Variants in ARHGAP26 observed in about 807,000 individuals in gnomAD.
ARHGAP26 encodes Rho GTPase activating protein 26, also known as rho GTPase-activating protein 26.
In ARHGAP26, 38 loss-of-function variants were observed where a neutral mutation model predicts 104.8. The ratio of observed to expected loss-of-function variants is 0.36; its 90% confidence interval spans 0.28 to 0.48. ARHGAP26 has a LOEUF of 0.48. ARHGAP26 is among the 20% of genes least tolerant of loss of function. The pLI is 0.99. For synonymous variants in ARHGAP26, 341 were observed against 340.0 expected, an observed-to-expected ratio of 1.00 and a Z score of -0.03; for missense variants, 704 against 947.9, an observed-to-expected ratio of 0.74 and a Z score of 3.38.
Position 142,886,111 on chromosome 5 carries a change from G to A in ARHGAP26, c.486+712G>A, listed in dbSNP as rs1251181436. Reference sequence around the variant, plus strand: ...GGGAGTTTATGCTTCTTGGAGATAGGGAGTTTCCTAGTGGAACCTCAAATT... The same window carrying A: ...GGGAGTTTATGCTTCTTGGAGATAGAGAGTTTCCTAGTGGAACCTCAAATT... On this transcript the variant is annotated intron_variant, in intron 5 of 22. Transcript: ENST00000645722. 3.3e-5 allele frequency among the ~76,000 whole-genome samples: 5 copies of A among 152,234 alleles called. No homozygotes were observed. The East Asian group carries it at 9.6e-4, about 29-fold the overall frequency.
At chr5:143,020,518 T>A (rs1041305954) in intron 12 of ARHGAP26, among the ~76,000 whole-genome samples, 1 of 151,888 alleles carries the variant, frequency 6.6e-6, no homozygotes, top group Admixed American at 6.6e-5. Flanking sequence ...AAATGGAAAT[T>A]TCCTCCCTTC....
At chr5:143,137,709 A>G (rs939600476) in intron 19 of ARHGAP26, among the ~76,000 whole-genome samples, 4 of 152,144 alleles carry the variant, frequency 2.6e-5, no homozygotes, top group Non-Finnish European at 5.9e-5. Flanking sequence ...TTGGCATTCC[A>G]TTTGTCAGTC....
rs143750962 is a variant in ARHGAP26, at chr5:142,907,743, A to G, written c.872A>G (p.Tyr291Cys). The G allele has an allele frequency of 4.3e-6, 7 of 1,612,386 alleles. No homozygotes were observed. In the African/African-American group the frequency reaches 9.3e-5, roughly 22 times the overall value. ...GTSWVKHYCT[Y>C]QRDSKQITMV... The stretch of plus-strand genomic sequence containing the variant: ...TCTTGGGTGAAGCACTACTGTACAT[A>G]TCAACGGGATTCCAAACAAATCACC... The change falls in exon 9 of 23, where the codon TAT becomes TGT. Residue 291 changes from tyrosine (Y) to cysteine (C), a missense_variant. Around this residue, in one of 6 missense-constraint regions of ARHGAP26, gnomAD observed 287 missense variants for 438.8 expected, o/e 0.65. Transcript: ENST00000645722.
Position 143,213,977 on chromosome 5 carries a change from A to C in ARHGAP26, c.2100-20A>C, listed in dbSNP as rs765383273. On this transcript the variant is annotated intron_variant, in intron 21 of 22. Coordinates refer to ENST00000645722, the MANE Select transcript of ARHGAP26 (RefSeq NM_001135608.3). ...AAGGGTTTTTTCAAAAATGTTAAAT[A>C]AACTCCTGTTTTCACACAGCACACC... 3 of 1,520,298 alleles carry C rather than the reference A, an allele frequency of 2.0e-6. No individual in the cohort carries two copies. The highest frequency in any genetic ancestry group is 2.7e-6 in the Non-Finnish European group (3 of 1,105,780). 94.2% of individuals were successfully genotyped at this position (1,520,298 alleles called of 1,614,324 possible). A position where few individuals can be genotyped will look rare whatever the true frequency, so the allele number is the denominator to read the frequency against.
In ARHGAP26 at chr5:142,869,809, G is replaced by A. The variant is rs904266331; in HGVS notation, c.155-3591G>A. 2.6e-5 allele frequency among the ~76,000 whole-genome samples: 4 copies of A among 152,136 alleles called. No homozygotes were observed. In the East Asian group the frequency reaches 7.7e-4, roughly 29 times the overall value. ...ATTTGGGTTAAATTCTCTTAAATCC[G>A]GTGCAGATTAATATCTGCTGGCATC... On this transcript the variant is annotated intron_variant, in intron 1 of 22. Coordinates refer to ENST00000645722, the MANE Select transcript of ARHGAP26 (RefSeq NM_001135608.3).
Position 142,894,238 on chromosome 5 carries a change from G to T in ARHGAP26, c.487G>T (p.Ala163Ser). 1 of 1,613,366 alleles carries T rather than the reference G, an allele frequency of 6.2e-7. No individual in the cohort carries two copies. Among genetic ancestry groups the T allele is most frequent in the South Asian group, 1.1e-5 (1 of 91,018 alleles). The change falls in exon 6 of 23, where the codon GCA becomes TCA. Residue 163 changes from alanine to serine, a missense_variant and splice_region_variant. This residue lies in a region of ARHGAP26 where 106 missense variants were observed against 120.5 expected (regional missense o/e 0.88). Coordinates refer to ENST00000645722, the MANE Select transcript of ARHGAP26 (RefSeq NM_001135608.3). ...CTCTTAAATTCCATCTTGTTTGTAG[G>T]CAGACAGCCAAGTGGACCTGGTCCG... The part of the protein sequence containing the change: ...SKKKESQLQE[A>S]DSQVDLVRQH...
At chr5:143,152,060 G>T (rs150649655) in intron 20 of ARHGAP26, among the ~76,000 whole-genome samples, 2 of 152,316 alleles carry the variant, frequency 1.3e-5, no homozygotes, top group Admixed American at 6.5e-5. Flanking sequence ...ATCAGTGATT[G>T]CCAGGGATTC....
intron 10 of ARHGAP26, among the ~76,000 whole-genome samples, chr5:142,925,551 C>T (rs1763790477): frequency 6.6e-6 from 1 of 152,210 alleles, no homozygotes; most frequent in Non-Finnish European, 1.5e-5. Context: ...TGAACCCGAA[C>T]CATTGCATTG....
At chr5:142,951,363 C>A (rs1300690155) in intron 11 of ARHGAP26, among the ~76,000 whole-genome samples, 1 of 152,092 alleles carries the variant, frequency 6.6e-6, no homozygotes, top group Non-Finnish European at 1.5e-5. Context: ...CCTGGCCAGA[C>A]CTTTTCTTAA....
At chr5:143,117,407 C>T (rs964730933) in intron 17 of ARHGAP26, among the ~76,000 whole-genome samples, 1 of 152,086 alleles carries the variant, frequency 6.6e-6, no homozygotes, top group Non-Finnish European at 1.5e-5. Flanking sequence ...GATCTCAAGC[C>T]ATTAATAATT....
intron 1 of ARHGAP26, among the ~76,000 whole-genome samples, chr5:142,776,042 G>C (rs1443032948): frequency 6.6e-6 from 1 of 152,118 alleles, no homozygotes; most frequent in African/African-American, 2.4e-5. Flanking sequence ...ACTTGCTTCA[G>C]GTCAGCATGT....
chr5:142,782,727 A>C (rs1378724046), intron 1 of ARHGAP26, among the ~76,000 whole-genome samples: 1 of 152,206 alleles, frequency 6.6e-6, no homozygotes, highest in Non-Finnish European at 1.5e-5. Flanking sequence ...AAACAGCATA[A>C]GTGCAAGGGA....
At chr5:142,772,780 A>G (rs922663843) in intron 1 of ARHGAP26, 7 of 533,328 alleles carry the variant, frequency 1.3e-5, no homozygotes, top group South Asian at 7.0e-5. Flanking sequence ...ACTTGCCCGG[A>G]ATGGAACCTC....
chr5:142,970,442 T>C (rs1260604619), intron 11 of ARHGAP26, among the ~76,000 whole-genome samples: 1 of 152,262 alleles, frequency 6.6e-6, no homozygotes, highest in Admixed American at 6.5e-5. Flanking sequence ...GGCTTCATCC[T>C]TAGGTTACAT....
chr5:143,124,747 A>G (rs57706003), intron 18 of ARHGAP26, among the ~76,000 whole-genome samples: 20,931 of 152,238 alleles, frequency 0.14, 1,792 homozygotes, highest in East Asian at 0.36. Context: ...GATTCAAGGC[A>G]GGGGGAGCTA....
intron 17 of ARHGAP26, among the ~76,000 whole-genome samples, chr5:143,092,281 G>T (rs1444799251): frequency 6.7e-6 from 1 of 149,768 alleles, no homozygotes; most frequent in Non-Finnish European, 1.5e-5. Flanking sequence ...CTCCTGCCTC[G>T]GCCTCCTGAG....
intron 17 of ARHGAP26, among the ~76,000 whole-genome samples, chr5:143,100,688 G>A (rs183260249): frequency 3.9e-4 from 59 of 152,330 alleles, no homozygotes; most frequent in African/African-American, 1.4e-3. Flanking sequence ...TGCTGGCTTT[G>A]TGGGCAGGAA....
intron 10 of ARHGAP26, among the ~76,000 whole-genome samples, chr5:142,919,647 T>G (rs1762940616): frequency 6.6e-6 from 1 of 152,180 alleles, no homozygotes; most frequent in Admixed American, 6.5e-5. Flanking sequence ...TCTTCCTTTC[T>G]TTTCTTTTAT....
chr5:143,117,381 G>C (rs1455136304), intron 17 of ARHGAP26, among the ~76,000 whole-genome samples: 1 of 152,178 alleles, frequency 6.6e-6, no homozygotes. Context: ...AGGCCTTTCT[G>C]TCCGGGATAC....
Sources: gnomAD v4.1 joint callset for allele counts (sites outside exome capture counted in the v4.1 genomes callset) on GRCh38, gnomAD v4.1.1 for gene constraint, gnomAD v4.1.1 regional missense constraint, MANE v1.5 for transcripts, NCBI Gene and HGNC (gene_info 2026-07-23, HGNC 2026-07-21) for gene names.